The following IQCJ variants were observed in gnomAD, a reference collection of about 807,000 sequenced individuals.
IQCJ encodes the protein IQ domain-containing protein J.
Under a neutral mutation model 11.0 loss-of-function variants are expected in IQCJ, and 9 were observed. The ratio of observed to expected loss-of-function variants is 0.82; its 90% CI spans 0.49 to 1.43. The LOEUF is 1.43. Ranked by LOEUF, IQCJ falls within the 40% of genes most tolerant of loss-of-function variation. The pLI is 0.00. For missense variants in IQCJ, 146 were observed against 133.2 expected, an observed-to-expected ratio of 1.10 and a Z score of -0.47; for synonymous variants, 55 against 51.3, an observed-to-expected ratio of 1.07 and a Z score of -0.31.
chr3:159,149,268 G>A (rs1223361450), intron 1 of IQCJ, among the ~76,000 whole-genome samples: 2 of 152,112 alleles, frequency 1.3e-5, no homozygotes, highest in Non-Finnish European at 2.9e-5. Flanking sequence ...ATGTGAACCA[G>A]GCTTTAATAA....
At chr3:159,254,337 A>G (rs1727772192) in intron 3 of IQCJ, among the ~76,000 whole-genome samples, 1 of 152,118 alleles carries the variant, frequency 6.6e-6, no homozygotes, top group Non-Finnish European at 1.5e-5. Flanking sequence ...GGCAGAGAAA[A>G]AAAATCTCTG....
Position 159,246,034 on chromosome 3 carries a change from A to C in IQCJ, c.74+127A>C, listed in dbSNP as rs938455322. On this transcript the variant is annotated intron_variant, in intron 2 of 3. Coordinates refer to ENST00000397832, the MANE Select transcript of IQCJ (RefSeq NM_001042706.3). Reference sequence around the variant, plus strand: ...TATGTTATCATTGTGGTCAGAGCCCAGAAATGTGGCTCATTTGAGATATAG... The same window carrying C: ...TATGTTATCATTGTGGTCAGAGCCCCGAAATGTGGCTCATTTGAGATATAG... The C allele has an allele frequency of 2.9e-5, 20 of 684,024 alleles. No individual in the cohort carries two copies. In the African/African-American group the frequency reaches 3.6e-4, roughly 12 times the overall value. The allele number at this position is 684,024 out of a possible 1,614,324, so 42.4% of individuals were successfully genotyped here. A position where few individuals can be genotyped will look rare whatever the true frequency, so the allele number is the denominator to read the frequency against.
At chr3:159,219,121 A>T (rs1399880258) in intron 1 of IQCJ, among the ~76,000 whole-genome samples, 1 of 152,094 alleles carries the variant, frequency 6.6e-6, no homozygotes, top group South Asian at 2.1e-4. Flanking sequence ...TCTTTTTGCC[A>T]TGTAAGGTAC....
intron 1 of IQCJ, among the ~76,000 whole-genome samples, chr3:159,124,623 G>A (rs905699730): frequency 6.6e-6 from 1 of 152,094 alleles, no homozygotes; most frequent in African/African-American, 2.4e-5. Context: ...GGATGTATGT[G>A]TTCATTTGCA....
At chr3:159,125,068 G>A (rs1009617799) in intron 1 of IQCJ, among the ~76,000 whole-genome samples, 1 of 152,150 alleles carries the variant, frequency 6.6e-6, no homozygotes, top group Non-Finnish European at 1.5e-5. Context: ...GGTATGAAGA[G>A]GGGGAAAAAT....
At chr3:159,255,002 G>A (rs1727814596) in intron 3 of IQCJ, among the ~76,000 whole-genome samples, 1 of 152,208 alleles carries the variant, frequency 6.6e-6, no homozygotes, top group African/African-American at 2.4e-5. Context: ...TCCTCCAGCT[G>A]ACCGTGGCAT....
chr3:159,221,351 A>G (rs78100235), intron 1 of IQCJ, among the ~76,000 whole-genome samples: 2,295 of 152,264 alleles, frequency 0.015, 54 homozygotes, highest in African/African-American at 0.053. Context: ...TCCAGGCCTC[A>G]TTCGTTAACA....
intron 1 of IQCJ, among the ~76,000 whole-genome samples, chr3:159,071,795 C>A (rs1934320867): frequency 6.6e-6 from 1 of 152,016 alleles, no homozygotes; most frequent in Admixed American, 6.6e-5. Flanking sequence ...ATATTGTAGA[C>A]CAGGCCTTTA....
intron 1 of IQCJ, chr3:159,070,043 G>A: frequency 4.9e-6 from 1 of 202,760 alleles, no homozygotes; most frequent in Non-Finnish European, 1.0e-5. Flanking sequence ...AACCTCAGGG[G>A]GACGTTGATC....
chr3:159,141,775 G>A (rs952803461), intron 1 of IQCJ, among the ~76,000 whole-genome samples: 14 of 152,088 alleles, frequency 9.2e-5, no homozygotes, highest in African/African-American at 3.4e-4. Context: ...CTATATGCAA[G>A]GTACTCTGAT....
chr3:159,179,457 G>C (rs1722967331), intron 1 of IQCJ, among the ~76,000 whole-genome samples: 1 of 152,108 alleles, frequency 6.6e-6, no homozygotes, highest in Admixed American at 6.6e-5. Context: ...TGAAGGACTG[G>C]TAGCAATATT....
At chr3:159,119,805 T>C (rs137950837) in intron 1 of IQCJ, among the ~76,000 whole-genome samples, 1 of 152,114 alleles carries the variant, frequency 6.6e-6, no homozygotes, top group Non-Finnish European at 1.5e-5. Flanking sequence ...TCCGTATGGG[T>C]TGGGGAAGAG....
At chr3:159,127,474 G>A (rs541183004) in intron 1 of IQCJ, among the ~76,000 whole-genome samples, 1 of 152,290 alleles carries the variant, frequency 6.6e-6, no homozygotes, top group Non-Finnish European at 1.5e-5. Flanking sequence ...AAGAGCTCAG[G>A]AAACTCTAGT....
At position 159,140,148 on chromosome 3, in the gene IQCJ, A is replaced by G. The variant is rs147161121; in HGVS notation, c.9+70707A>G. ...TGTTAGTTAATGAGGCTACACTGAC[A>G]CATCATTAGCACACAAAGTCCATAG... On this transcript the variant is annotated intron_variant, in intron 1 of 3. Transcript: ENST00000397832. 2.6e-5 allele frequency among the ~76,000 whole-genome samples: 4 copies of G among 152,316 alleles called. No individual in the cohort carries two copies. The East Asian group carries it at 7.7e-4, about 29-fold the overall frequency.
At chr3:159,157,550 A>T (rs1229628911) in intron 1 of IQCJ, among the ~76,000 whole-genome samples, 16 of 152,180 alleles carry the variant, frequency 1.1e-4, no homozygotes, top group Non-Finnish European at 8.8e-5. Context: ...AAACTTTTTT[A>T]AAAAATGTTT....
downstream of IQCJ, chr3:159,265,765 C>T (rs1471432013): frequency 1.2e-5 from 2 of 162,532 alleles, no homozygotes; most frequent in Non-Finnish European, 2.7e-5. Flanking sequence ...GGCCAACAAG[C>T]CCTTACCTAA....
chr3:159,180,134 C>G (rs538648938), intron 1 of IQCJ, among the ~76,000 whole-genome samples: 3 of 152,322 alleles, frequency 2.0e-5, no homozygotes, highest in Admixed American at 1.3e-4. Flanking sequence ...CTGTAATAGA[C>G]AGGCATGTTT....
intron 1 of IQCJ, among the ~76,000 whole-genome samples, chr3:159,158,681 A>G (rs1391041575): frequency 6.6e-6 from 1 of 152,214 alleles, no homozygotes; most frequent in Non-Finnish European, 1.5e-5. Context: ...ATTTTCTTCA[A>G]TAACAACTGT....
chr3:159,257,824 T>C (rs912375344), intron 3 of IQCJ, among the ~76,000 whole-genome samples: 4 of 152,190 alleles, frequency 2.6e-5, no homozygotes, highest in African/African-American at 9.7e-5. Flanking sequence ...CCAAACCCAC[T>C]GTCTCCATCC....
Sources: gnomAD v4.1 joint callset for allele counts (sites outside exome capture counted in the v4.1 genomes callset) on GRCh38, gnomAD v4.1.1 for gene constraint, MANE v1.5 for transcripts, NCBI Gene and HGNC (gene_info 2026-07-23, HGNC 2026-07-21) for gene names.